MYRIP: variants seen among roughly 807,000 people sequenced by gnomAD.
MYRIP encodes the protein rab effector MyRIP.
Under a neutral mutation model 98.0 loss-of-function variants are expected in MYRIP, and 49 were observed. That is an observed-to-expected ratio of 0.50 (90% confidence interval 0.40 to 0.63). The LOEUF (loss-of-function observed/expected upper bound fraction) is 0.63. MYRIP is among the 30% of genes least tolerant of loss of function. MYRIP has a pLI of 0.00. For missense variants in MYRIP, 1,004 were observed against 1,058.2 expected (o/e 0.95, Z 0.71); for synonymous variants, 404 against 409.5 (o/e 0.99, Z 0.16).
chr3:40,199,960 C>A (rs766331733), intron 10 of MYRIP, among the ~76,000 whole-genome samples: 2 of 151,590 alleles, frequency 1.3e-5, no homozygotes, highest in African/African-American at 2.4e-5. Context: ...GACTTTAGAG[C>A]AGGTGTGACC....
At chr3:39,878,171 G>A (rs6789907) in intron 1 of MYRIP, among the ~76,000 whole-genome samples, 6 of 152,216 alleles carry the variant, frequency 3.9e-5, no homozygotes, top group Non-Finnish European at 5.9e-5. Flanking sequence ...ATAATCTCCT[G>A]GTGTGCCGTT....
intron 3 of MYRIP, among the ~76,000 whole-genome samples, chr3:40,134,948 A>G (rs2125921820): frequency 6.6e-6 from 1 of 152,338 alleles, no homozygotes; most frequent in African/African-American, 2.4e-5. Context: ...CAGAGCAGAA[A>G]AACCAGAAAC....
chr3:40,160,683 A>T (rs1361721879), intron 4 of MYRIP, among the ~76,000 whole-genome samples: 2 of 152,138 alleles, frequency 1.3e-5, no homozygotes, highest in Non-Finnish European at 2.9e-5. Flanking sequence ...CAGGTGCGGG[A>T]TATAATCTCC....
chr3:40,119,938 A>G (rs909713526), intron 3 of MYRIP, among the ~76,000 whole-genome samples: 1 of 151,958 alleles, frequency 6.6e-6, no homozygotes, highest in African/African-American at 2.4e-5. Context: ...AAATAAATAA[A>G]TAAATAAATA....
rs371584310 is a variant in MYRIP, at chr3:40,137,602, T to A, written c.333-13446T>A. Among the ~76,000 whole-genome samples, 170 of 152,266 alleles carry A rather than the reference T, an allele frequency of 1.1e-3. 1 individual carries two copies. Among genetic ancestry groups the A allele is most frequent in the African/African-American group, 4.0e-3 (167 of 41,540 alleles). On this transcript the variant is annotated intron_variant, in intron 3 of 16. Coordinates refer to ENST00000302541, the MANE Select transcript of MYRIP (RefSeq NM_015460.4). ...AGCAAAAAACAGAATTTTAGACCAA[T>A]ATCCTTGATGAACATCGATGCAAAA... is the stretch of plus-strand genomic sequence containing the variant.
intron 2 of MYRIP, 99 bp from the exon 3 acceptor site, chr3:40,043,951 G>A (rs140378487): frequency 4.7e-6 from 5 of 1,061,958 alleles, no homozygotes; most frequent in Non-Finnish European, 6.9e-6. Context: ...ATGGTAGCTT[G>A]GCCTAAGGGA....
intron 4 of MYRIP, among the ~76,000 whole-genome samples, chr3:40,154,844 AG>A (rs1277295023): frequency 6.6e-6 from 1 of 152,206 alleles, no homozygotes; most frequent in Non-Finnish European, 1.5e-5. Flanking sequence ...TACATGAAAA[AG>A]GTAAAAGTTG....
chr3:40,008,434 G>T (rs1373867076), intron 2 of MYRIP, among the ~76,000 whole-genome samples: 1 of 151,978 alleles, frequency 6.6e-6, no homozygotes. Context: ...TTCCAAAATG[G>T]TATTTTCTGT....
intron 2 of MYRIP, among the ~76,000 whole-genome samples, chr3:39,910,732 A>G (rs1458448389): frequency 2.0e-5 from 3 of 152,216 alleles, no homozygotes; most frequent in African/African-American, 7.2e-5. Context: ...AAATGTGGCT[A>G]CTAGAAAGTT....
chr3:40,180,876 G>A (rs1006754080), intron 8 of MYRIP, among the ~76,000 whole-genome samples: 5 of 152,144 alleles, frequency 3.3e-5, no homozygotes, highest in Non-Finnish European at 7.3e-5. Context: ...TGAACCAGAC[G>A]CCCTGTATGT....
chr3:40,196,439 A>T (rs1466571218), intron 10 of MYRIP, among the ~76,000 whole-genome samples: 2 of 152,192 alleles, frequency 1.3e-5, no homozygotes, highest in African/African-American at 4.8e-5. Flanking sequence ...CAAGTAATTG[A>T]TCATTTCCAA....
rs1948441217 is a variant in MYRIP, at chr3:40,080,072, A to T, written c.332+35801A>T. Among the ~76,000 whole-genome samples the T allele has an allele frequency of 2.0e-5, 3 of 152,208 alleles. No homozygotes were observed. The South Asian group carries it at 6.2e-4, about 31-fold the overall frequency. ...CTTGGAAAGGTCCTGATATTAAGGG[A>T]AATACTGTTACCATTTCACTAGTGT... On this transcript the variant is annotated intron_variant, in intron 3 of 16. Coordinates refer to ENST00000302541, the MANE Select transcript of MYRIP (RefSeq NM_015460.4).
chr3:40,225,828 CAT>C (rs1355229594), intron 11 of MYRIP, among the ~76,000 whole-genome samples: 1 of 152,184 alleles, frequency 6.6e-6, no homozygotes, highest in East Asian at 1.9e-4. Context: ...GCCATGGCCA[CAT>C]ATTTATTTTA....
chr3:39,869,147 A>G (rs371813551), intron 1 of MYRIP, among the ~76,000 whole-genome samples: 2 of 152,326 alleles, frequency 1.3e-5, no homozygotes, highest in East Asian at 3.9e-4. Context: ...AGATTATCTT[A>G]CATCCCTTTT....
In MYRIP at chr3:40,212,336, T is replaced by A. The variant is rs1951986323; in HGVS notation, c.1905+2243T>A. 2.7e-5 allele frequency among the ~76,000 whole-genome samples: 4 copies of A among 149,014 alleles called. No individual in the cohort carries two copies. In the South Asian group the frequency reaches 8.4e-4, roughly 31 times the overall value. ...GGGTTCAGGGGCTCAGCCACATATA[T>A]ATATAACTATATAATATATGGTTTC... is the stretch of plus-strand genomic sequence containing the variant. On this transcript the variant is annotated intron_variant, in intron 11 of 16. Coordinates refer to ENST00000302541, the MANE Select transcript of MYRIP (RefSeq NM_015460.4).
intron 3 of MYRIP, among the ~76,000 whole-genome samples, chr3:40,050,668 A>C (rs1171652136): frequency 6.6e-6 from 1 of 152,184 alleles, no homozygotes; most frequent in Non-Finnish European, 1.5e-5. Flanking sequence ...TAACAGCCAC[A>C]GATGATTCTT....
chr3:40,139,502 A>C (rs2679801), intron 3 of MYRIP, among the ~76,000 whole-genome samples: 126,261 of 152,246 alleles, frequency 0.83, 52,344 homozygotes, highest in South Asian at 0.88. Context: ...TGGAATAATA[A>C]AATTGCAATT....
At chr3:39,835,778 AT>A (rs1941601235) in intron 1 of MYRIP, among the ~76,000 whole-genome samples, 1 of 152,006 alleles carries the variant, frequency 6.6e-6, no homozygotes, top group African/African-American at 2.4e-5. Flanking sequence ...AGTGTGTGAT[AT>A]TCCCCTCCCT....
At chr3:40,154,918 A>G (rs187662282) in intron 4 of MYRIP, among the ~76,000 whole-genome samples, 8 of 152,332 alleles carry the variant, frequency 5.3e-5, no homozygotes, top group Non-Finnish European at 1.2e-4. Context: ...ATTTAGTGTT[A>G]GATAAATAAA....
Sources: gnomAD v4.1 joint callset for allele counts (sites outside exome capture counted in the v4.1 genomes callset) on GRCh38, gnomAD v4.1.1 for gene constraint, MANE v1.5 for transcripts, NCBI Gene and HGNC (gene_info 2026-07-23, HGNC 2026-07-21) for gene names.